The following PTPRJ variants were observed in gnomAD, a reference collection of about 807,000 sequenced individuals.
PTPRJ encodes receptor-type tyrosine-protein phosphatase eta.
Under a neutral mutation model 141.3 loss-of-function variants are expected in PTPRJ, and 129 were observed. That is an observed-to-expected ratio of 0.91 (90% CI 0.79 to 1.06). The LOEUF (loss-of-function observed/expected upper bound fraction) is 1.06. Among genes scored for constraint, PTPRJ ranks in the 50% least tolerant of loss-of-function variants. The probability of loss-of-function intolerance (pLI) is 0.00; values close to 1 mark genes in which losing one functional copy is unlikely to be tolerated. For missense variants in PTPRJ, 1,601 were observed against 1,679.7 expected, an observed-to-expected ratio of 0.95 and a Z score of 0.82; for synonymous variants, 610 against 640.5, an observed-to-expected ratio of 0.95 and a Z score of 0.72.
Position 48,112,900 on chromosome 11 carries a change from C to T in PTPRJ, c.269C>T (p.Ser90Phe). The T allele has an allele frequency of 6.2e-7, 1 of 1,614,148 alleles. No homozygotes were observed. Among genetic ancestry groups the T allele is most frequent in the South Asian group, 1.1e-5 (1 of 91,082 alleles). The part of the protein sequence containing the change: ...ETNTSEDGES[S>F]GANDSLRTPE... ...AACACCAGTGAGGATGGTGAAAGCT[C>T]TGGAGCCAACGATAGTTTAAGAACA... is the stretch of plus-strand genomic sequence containing the variant. Residue 90 changes from serine to phenylalanine, a missense_variant, in exon 3 of 25, where the codon TCT becomes TTT. Physicochemically the swap from Ser to Phe is radical, Grantham distance 155 (BLOSUM62 -2). Coordinates refer to ENST00000418331, the MANE Select transcript of PTPRJ (RefSeq NM_002843.4).
At chr11:48,047,427 C>CGGTTAG (rs570342425) in intron 1 of PTPRJ, among the ~76,000 whole-genome samples, 126 of 151,950 alleles carry the variant, frequency 8.3e-4, no homozygotes, top group African/African-American at 2.9e-3. Context: ...AGGGGTCTCC[C>CGGTTAG]GGTTAGGGTT....
chr11:48,168,460 A>G lies in PTPRJ; in HGVS notation c.*1098A>G, dbSNP rs1391706061. The G allele has an allele frequency of 1.4e-5, 2 of 146,210 alleles. No homozygotes were observed. Among genetic ancestry groups the G allele is most frequent in the Admixed American group, 6.9e-5 (1 of 14,416 alleles). 9.1% of individuals were successfully genotyped at this position (146,210 alleles called of 1,614,324 possible). On this transcript the variant is annotated 3_prime_UTR_variant, in exon 25 of 25. Transcript: ENST00000418331. The stretch of plus-strand genomic sequence containing the variant: ...AACACTTCAGCGTGAATTCAGTGTC[A>G]GATTAATCCCTCCTTCCCCAAAGTC...
At chr11:48,099,250 C>T (rs527743120) in intron 1 of PTPRJ, among the ~76,000 whole-genome samples, 3 of 152,354 alleles carry the variant, frequency 2.0e-5, no homozygotes, top group East Asian at 3.9e-4. Context: ...AATGCAGCCA[C>T]TGCTTGTTTT....
chr11:48,162,626 C>T (rs1392265662), intron 22 of PTPRJ, among the ~76,000 whole-genome samples: 1 of 152,202 alleles, frequency 6.6e-6, no homozygotes, highest in Non-Finnish European at 1.5e-5. Flanking sequence ...CAAAGGGCAG[C>T]TGTCATAATG....
intron 1 of PTPRJ, among the ~76,000 whole-genome samples, chr11:48,089,533 CA>C (rs75007177): frequency 3.1e-5 from 4 of 128,792 alleles, no homozygotes; most frequent in South Asian, 2.5e-4. Context: ...AAAAAAAAAA[CA>C]AAAAAAACCC....
intron 1 of PTPRJ, among the ~76,000 whole-genome samples, chr11:47,985,750 G>A (rs1260544052): frequency 6.6e-6 from 1 of 151,680 alleles, no homozygotes; most frequent in Non-Finnish European, 1.5e-5. Flanking sequence ...GCCTGGGCTG[G>A]AGTGCTGTGG....
chr11:48,046,976 T>C (rs181091068), intron 1 of PTPRJ, among the ~76,000 whole-genome samples: 1 of 145,396 alleles, frequency 6.9e-6, no homozygotes, highest in East Asian at 2.0e-4. Context: ...AGCGCAATGG[T>C]GTGATCTCAG....
At chr11:48,068,746 C>T (rs1045203562) in intron 1 of PTPRJ, among the ~76,000 whole-genome samples, 10 of 152,282 alleles carry the variant, frequency 6.6e-5, no homozygotes, top group East Asian at 1.9e-4. Flanking sequence ...GGTCCATGCA[C>T]GGAATCTGGC....
intron 1 of PTPRJ, among the ~76,000 whole-genome samples, chr11:48,079,879 T>C (rs975886259): frequency 6.6e-6 from 1 of 151,968 alleles, no homozygotes; most frequent in African/African-American, 2.4e-5. Flanking sequence ...CACTGAACTC[T>C]CTAAATGTTA....
intron 1 of PTPRJ, among the ~76,000 whole-genome samples, chr11:48,107,282 G>T (rs964192316): frequency 6.6e-6 from 1 of 151,962 alleles, no homozygotes; most frequent in Non-Finnish European, 1.5e-5. Context: ...GAAAGAGTTC[G>T]ACTTATCAGC....
intron 1 of PTPRJ, among the ~76,000 whole-genome samples, chr11:48,053,366 A>G (rs1854649049): frequency 2.0e-5 from 2 of 100,228 alleles, no homozygotes; most frequent in South Asian, 4.8e-4. Context: ...ATATAAAAAT[A>G]TAATATATAT....
chr11:47,998,121 A>AT (rs781616037), intron 1 of PTPRJ, among the ~76,000 whole-genome samples: 1,948 of 143,028 alleles, frequency 0.014, 31 homozygotes, highest in African/African-American at 0.041. Context: ...TCAATCCTTG[A>AT]TTTTTTTTTT....
intron 1 of PTPRJ, among the ~76,000 whole-genome samples, chr11:48,042,677 G>A (rs1003468476): frequency 3.3e-5 from 5 of 152,006 alleles, no homozygotes; most frequent in Admixed American, 6.6e-5. Flanking sequence ...GGAGTACAGC[G>A]GTTTAGAACA....
intron 22 of PTPRJ, 90 bp from the exon 23 acceptor site, chr11:48,163,368 A>G: frequency 8.0e-7 from 1 of 1,249,122 alleles, no homozygotes. Flanking sequence ...ACTCCTGGTT[A>G]GTACTCAGGC....
chr11:48,148,385 GAATCAAGC>G (rs1857401130), intron 15 of PTPRJ, among the ~76,000 whole-genome samples: 1 of 152,062 alleles, frequency 6.6e-6, no homozygotes, highest in South Asian at 2.1e-4. Flanking sequence ...TTACATGTTA[GAATCAAGC>G]CTGCTTTATT....
At chr11:48,137,487 C>T (rs1371150925) in intron 10 of PTPRJ, among the ~76,000 whole-genome samples, 1 of 152,204 alleles carries the variant, frequency 6.6e-6, no homozygotes, top group East Asian at 1.9e-4. Flanking sequence ...GAGCATATAC[C>T]ATATGCCAGT....
At chr11:48,127,017 C>G (rs928840717) in intron 6 of PTPRJ, among the ~76,000 whole-genome samples, 1 of 152,178 alleles carries the variant, frequency 6.6e-6, no homozygotes, top group Non-Finnish European at 1.5e-5. Flanking sequence ...CAGTGGTGGA[C>G]ACAGCTGTGT....
intron 1 of PTPRJ, among the ~76,000 whole-genome samples, chr11:48,096,065 G>T (rs1855996070): frequency 6.6e-6 from 1 of 152,166 alleles, no homozygotes; most frequent in Non-Finnish European, 1.5e-5. Context: ...CCACAGCATT[G>T]TTCTTTTTCT....
rs1236273319 is a variant in PTPRJ, at chr11:48,126,548, A to G, written c.1094-1232A>G. On this transcript the variant is annotated intron_variant, in intron 6 of 24. Coordinates refer to ENST00000418331, the MANE Select transcript of PTPRJ (RefSeq NM_002843.4). ...AGCATGCCTGGGCTCCGGGTGAAAC[A>G]CCCTCTTCCTCTTCCAGGTTGCAGA... Among the ~76,000 whole-genome samples, 3 of 151,842 alleles carry G rather than the reference A, an allele frequency of 2.0e-5. No individual in the cohort carries two copies. In the South Asian group the frequency reaches 6.3e-4, roughly 32 times the overall value.
Sources: allele counts gnomAD v4.1 joint callset (sites outside exome capture counted in the v4.1 genomes callset), GRCh38; gene constraint gnomAD v4.1.1; transcripts MANE v1.5; gene names NCBI Gene and HGNC (gene_info 2026-07-23, HGNC 2026-07-21).